The following LARS2 variants were observed in gnomAD, a reference collection of about 807,000 sequenced individuals.
LARS2 encodes leucyl-tRNA synthetase 2, mitochondrial.
Under a neutral mutation model 116.6 loss-of-function variants are expected in LARS2, and 81 were observed. The ratio of observed to expected loss-of-function variants is 0.69; its 90% CI spans 0.58 to 0.84. The LOEUF (loss-of-function observed/expected upper bound fraction) is 0.84. Ranked by LOEUF, LARS2 falls within the 40% of genes least tolerant of loss-of-function variation. LARS2 has a pLI of 0.00. For missense variants in LARS2, 968 were observed against 1,114.5 expected (o/e 0.87, Z 1.87); for synonymous variants, 396 against 407.2 (o/e 0.97, Z 0.33).
At chr3:45,513,379 A>G (rs1700318272) in intron 16 of LARS2, 144 bp downstream of exon 16, 1 of 638,908 alleles carries the variant, frequency 1.6e-6, no homozygotes, top group African/African-American at 1.8e-5. Context: ...TCTAAGCCTC[A>G]GCTCCCTCTG....
intron 6 of LARS2, among the ~76,000 whole-genome samples, chr3:45,438,664 C>CA (rs34358676): frequency 0.12 from 16,162 of 135,318 alleles, 1,154 homozygotes; most frequent in Middle Eastern, 0.19. Flanking sequence ...CTAAAAATAC[C>CA]AAAAAAAAAA....
At chr3:45,414,706 G>A (rs539672835) in intron 4 of LARS2, among the ~76,000 whole-genome samples, 4 of 151,496 alleles carry the variant, frequency 2.6e-5, no homozygotes, top group East Asian at 3.9e-4. Flanking sequence ...CTTCAGCCTC[G>A]GCAACCAAAC....
intron 10 of LARS2, among the ~76,000 whole-genome samples, chr3:45,484,935 T>G (rs1282528097): frequency 9.9e-5 from 15 of 151,804 alleles, no homozygotes; most frequent in Admixed American, 9.8e-4. Flanking sequence ...CTCAGTGCAG[T>G]TTTCTGCACG....
chr3:45,441,351 G>A (rs997362477), intron 6 of LARS2, among the ~76,000 whole-genome samples: 1 of 152,192 alleles, frequency 6.6e-6, no homozygotes, highest in African/African-American at 2.4e-5. Flanking sequence ...AAGCCAAGGG[G>A]TGTACTTGTT....
In LARS2 at chr3:45,525,935, C is replaced by T. The variant is rs553675623; in HGVS notation, c.2404+1827C>T. Among the ~76,000 whole-genome samples, 35 of 152,228 alleles carry T rather than the reference C, an allele frequency of 2.3e-4. No homozygotes were observed. In the East Asian group the frequency reaches 5.6e-3, roughly 24 times the overall value. On this transcript the variant is annotated intron_variant, in intron 20 of 21. Transcript: ENST00000645846. ...ACCAGTCAGTGTCAGATGCCTCTTT[C>T]ATAGGGGTTGCAATTTTAAGTGACA...
At chr3:45,493,378 C>T (rs1346267004) in intron 13 of LARS2, among the ~76,000 whole-genome samples, 13 of 152,134 alleles carry the variant, frequency 8.5e-5, no homozygotes, top group Admixed American at 2.6e-4. Flanking sequence ...GGATTACAGG[C>T]GTGTGCCACC....
intron 20 of LARS2, chr3:45,541,562 C>G (rs1389033949): frequency 2.3e-6 from 1 of 439,728 alleles, no homozygotes; most frequent in Non-Finnish European, 4.1e-6. Context: ...AATCAGCAGC[C>G]TTGTTTTTCC....
intron 8 of LARS2, among the ~76,000 whole-genome samples, chr3:45,468,347 C>A (rs189968124): frequency 1.5e-4 from 23 of 152,284 alleles, no homozygotes; most frequent in African/African-American, 5.3e-4. Flanking sequence ...TTCAGCCTTG[C>A]CCTCAAGACT....
chr3:45,459,018 A>T (rs562477493), intron 8 of LARS2, 132 bp downstream of exon 8: 1 of 860,868 alleles, frequency 1.2e-6, no homozygotes. Flanking sequence ...GGATGTACAG[A>T]CAGGAAGCAG....
chr3:45,422,961 A>G (rs1406792245), intron 6 of LARS2, among the ~76,000 whole-genome samples: 1 of 152,170 alleles, frequency 6.6e-6, no homozygotes, highest in East Asian at 1.9e-4. Flanking sequence ...CATAACTCGT[A>G]TTTATTTTCA....
intron 8 of LARS2, among the ~76,000 whole-genome samples, chr3:45,471,791 C>T (rs558320162): frequency 2.6e-5 from 4 of 152,216 alleles, no homozygotes; most frequent in African/African-American, 7.2e-5. Flanking sequence ...CTTGCGTGCT[C>T]GTTGACATTT....
intron 14 of LARS2, among the ~76,000 whole-genome samples, chr3:45,497,831 C>T (rs1410287260): frequency 6.6e-6 from 1 of 151,790 alleles, no homozygotes; most frequent in Non-Finnish European, 1.5e-5. Context: ...CGCTTGAACC[C>T]GGGAGGCAGA....
At chr3:45,452,485 A>C (rs891227455) in intron 7 of LARS2, among the ~76,000 whole-genome samples, 3 of 151,970 alleles carry the variant, frequency 2.0e-5, no homozygotes, top group African/African-American at 7.2e-5. Flanking sequence ...GTATGACATG[A>C]TATTTATTGA....
chr3:45,522,293 C>T (rs1361912475), intron 19 of LARS2, among the ~76,000 whole-genome samples: 1 of 152,152 alleles, frequency 6.6e-6, no homozygotes, highest in Non-Finnish European at 1.5e-5. Flanking sequence ...CACAGAGACT[C>T]GGAACCCCAG....
At position 45,524,112 on chromosome 3, in the gene LARS2, C is replaced by T. The variant is rs199693918; in HGVS notation, c.2404+4C>T. 4.3e-5 allele frequency: 68 copies of T among 1,583,428 alleles called. No homozygotes were observed. The Admixed American group carries it at 9.7e-4, about 23-fold the overall frequency. ...GTAACCTCAGAGATCTGGGCAGGTA[C>T]GTGGCAGAGTCCTTTTTTGACCAGT... On this transcript the variant is annotated splice_donor_region_variant and intron_variant, in intron 20 of 21. Coordinates refer to ENST00000645846, the MANE Select transcript of LARS2 (RefSeq NM_015340.4).
chr3:45,516,706 C>G (rs923521313), intron 17 of LARS2, among the ~76,000 whole-genome samples: 6 of 152,282 alleles, frequency 3.9e-5, no homozygotes, highest in Middle Eastern at 3.4e-3. Flanking sequence ...TCTTGATGTA[C>G]CCTGCAAGGT....
At chr3:45,415,271 TG>T (rs1002720315) in intron 4 of LARS2, among the ~76,000 whole-genome samples, 4 of 152,204 alleles carry the variant, frequency 2.6e-5, no homozygotes, top group Non-Finnish European at 5.9e-5. Context: ...TGTGATTCCT[TG>T]TTCTTTGGAG....
chr3:45,427,615 T>C (rs763398525), intron 6 of LARS2, among the ~76,000 whole-genome samples: 22 of 152,192 alleles, frequency 1.4e-4, no homozygotes, highest in Non-Finnish European at 1.8e-4. Flanking sequence ...ATACTAGACA[T>C]ATATAGACTA....
chr3:45,392,413 G>C (rs1396422371), intron 2 of LARS2, among the ~76,000 whole-genome samples: 1 of 150,760 alleles, frequency 6.6e-6, no homozygotes, highest in Non-Finnish European at 1.5e-5. Context: ...CTCTGCCTCA[G>C]CCACCCTAGT....
Sources: gnomAD v4.1 joint callset for allele counts (sites outside exome capture counted in the v4.1 genomes callset) on GRCh38, gnomAD v4.1.1 for gene constraint, MANE v1.5 for transcripts, NCBI Gene and HGNC (gene_info 2026-07-23, HGNC 2026-07-21) for gene names.